Variants in ADAMTSL1 observed in about 807,000 individuals in gnomAD.
ADAMTSL1 encodes the protein ADAMTS like 1.
In ADAMTSL1, 126 loss-of-function variants were observed where a neutral mutation model predicts 201.8. The observed-to-expected ratio is 0.62, with a 90% confidence interval of 0.54 to 0.72. The LOEUF (loss-of-function observed/expected upper bound fraction) is 0.72. ADAMTSL1 is among the 30% of genes least tolerant of loss of function. The pLI is 0.00. For missense variants in ADAMTSL1, 2,679 were observed against 2,277.8 expected (o/e 1.18, Z -3.59); for synonymous variants, 1,121 against 903.4 (o/e 1.24, Z -4.32).
chr9:18,489,570 T>C (rs1029623809), intron 1 of ADAMTSL1, among the ~76,000 whole-genome samples: 2 of 152,188 alleles, frequency 1.3e-5, no homozygotes, highest in Non-Finnish European at 2.9e-5. Flanking sequence ...TCGTAAAAGA[T>C]AGAAGAAATT....
intron 22 of ADAMTSL1, among the ~76,000 whole-genome samples, chr9:18,828,677 TATATATATATATATATAAA>T (rs1824764773): frequency 1.9e-5 from 2 of 103,218 alleles, no homozygotes; most frequent in Non-Finnish European, 3.8e-5. Context: ...TATATATATA[TATATATATATATATATAAA>T]ATGTGTGTGT....
intron 2 of ADAMTSL1, among the ~76,000 whole-genome samples, chr9:18,254,029 G>A (rs773684992): frequency 1.3e-5 from 2 of 152,066 alleles, no homozygotes; most frequent in Non-Finnish European, 2.9e-5. Context: ...AGATATCATC[G>A]TGTTTGGGAG....
intron 2 of ADAMTSL1, among the ~76,000 whole-genome samples, chr9:18,326,897 G>A (rs370504082): frequency 1.3e-5 from 2 of 152,158 alleles, no homozygotes; most frequent in East Asian, 3.8e-4. Flanking sequence ...GCTTGCAACT[G>A]GATTTAAATG....
Position 18,661,986 on chromosome 9 carries a change from T to C in ADAMTSL1, c.998T>C (p.Val333Ala). 1 of 1,614,094 alleles carries C rather than the reference T, an allele frequency of 6.2e-7. No individual in the cohort carries two copies. The highest frequency in any genetic ancestry group is 8.5e-7 in the Non-Finnish European group (1 of 1,179,954). Residue 333 changes from valine (V) to alanine (A), a missense_variant, in exon 9 of 29, where the codon GTT becomes GCT. Coordinates refer to ENST00000380548, the MANE Select transcript of ADAMTSL1 (RefSeq NM_001040272.6). ...ECYDLRSNRV[V>A]ADQYCHYYPE... ...TACGATCTGAGGAGCAACCGTGTGG[T>C]TGCTGACCAATACTGTCACTATTAC... is the stretch of plus-strand genomic sequence containing the variant.
At chr9:18,553,145 C>A (rs1014909905) in intron 3 of ADAMTSL1, among the ~76,000 whole-genome samples, 5 of 150,136 alleles carry the variant, frequency 3.3e-5, no homozygotes, top group African/African-American at 9.8e-5. Context: ...ACTTTCTGAT[C>A]TCTAGTTGGC....
At chr9:18,742,993 A>G (rs999169457) in intron 15 of ADAMTSL1, among the ~76,000 whole-genome samples, 6 of 152,174 alleles carry the variant, frequency 3.9e-5, no homozygotes, top group East Asian at 1.9e-4. Flanking sequence ...ACCACCTAAC[A>G]TATCAAACTC....
intron 2 of ADAMTSL1, among the ~76,000 whole-genome samples, chr9:18,279,562 A>G (rs1832706394): frequency 6.6e-6 from 1 of 151,790 alleles, no homozygotes; most frequent in African/African-American, 2.4e-5. Flanking sequence ...TGTCAGGGAA[A>G]ACCCTTCACC....
chr9:18,588,918 T>TA (rs890794270), intron 4 of ADAMTSL1, among the ~76,000 whole-genome samples: 4 of 65,922 alleles, frequency 6.1e-5, no homozygotes, highest in African/African-American at 9.3e-5. Flanking sequence ...TATATACACA[T>TA]TTTTTTTTTG....
intron 1 of ADAMTSL1, among the ~76,000 whole-genome samples, chr9:18,005,353 C>T (rs888530338): frequency 6.6e-6 from 1 of 152,006 alleles, no homozygotes; most frequent in African/African-American, 2.4e-5. Flanking sequence ...TGAGACATGG[C>T]CTTTATTGAG....
At chr9:18,071,361 C>A (rs151263174) in intron 1 of ADAMTSL1, among the ~76,000 whole-genome samples, 50 of 152,288 alleles carry the variant, frequency 3.3e-4, no homozygotes, top group African/African-American at 1.2e-3. Context: ...CTGTCTGTTC[C>A]TTATTCTATC....
In ADAMTSL1 at chr9:18,835,798, G is replaced by A. The variant is rs993794054; in HGVS notation, c.4249+5821G>A. 2.0e-5 allele frequency among the ~76,000 whole-genome samples: 3 copies of A among 152,084 alleles called. No individual in the cohort carries two copies. In the East Asian group the frequency reaches 5.8e-4, roughly 29 times the overall value. ...CTGCATTATCCTGCTTAGGATAATG[G>A]CCTCCAGCTGCATCCATGTTGCTGC... On this transcript the variant is annotated intron_variant, in intron 23 of 28. Transcript: ENST00000380548.
intron 2 of ADAMTSL1, among the ~76,000 whole-genome samples, chr9:18,428,618 A>C (rs1362756003): frequency 6.6e-6 from 1 of 152,136 alleles, no homozygotes; most frequent in African/African-American, 2.4e-5. Context: ...AAAAAGAAAA[A>C]AACAAAAAAC....
At position 18,089,456 on chromosome 9, in the gene ADAMTSL1, G is replaced by T. The variant is rs141884020; in HGVS notation, c.88-74406G>T. On this transcript the variant is annotated intron_variant, in intron 1 of 29. Coordinates refer to the ADAMTSL1 transcript ENST00000680146. ...CAGGGAGGGGAACATCACACACTGGGGCCTGTCGGGGGGTGGGGAGCTAGG... is the reference window on the plus strand; with the variant it reads ...CAGGGAGGGGAACATCACACACTGGTGCCTGTCGGGGGGTGGGGAGCTAGG... Among the ~76,000 whole-genome samples, 1,005 of 151,448 alleles carry T rather than the reference G, an allele frequency of 6.6e-3. 17 individuals are homozygous for T. The highest frequency in any genetic ancestry group is 0.023 in the African/African-American group (963 of 41,172).
At chr9:18,520,718 C>T (rs930141688) in intron 2 of ADAMTSL1, among the ~76,000 whole-genome samples, 5 of 152,178 alleles carry the variant, frequency 3.3e-5, no homozygotes, top group African/African-American at 9.7e-5. Context: ...TGGCAGCATG[C>T]CACCTTGTTG....
intron 2 of ADAMTSL1, among the ~76,000 whole-genome samples, chr9:18,520,373 G>T (rs571686017): frequency 3.7e-4 from 57 of 152,308 alleles, no homozygotes; most frequent in African/African-American, 1.3e-3. Flanking sequence ...ACATAAATCA[G>T]TGTTTCCAAG....
chr9:18,021,319 T>A (rs1216596191), intron 1 of ADAMTSL1, among the ~76,000 whole-genome samples: 1 of 152,184 alleles, frequency 6.6e-6, no homozygotes, highest in African/African-American at 2.4e-5. Flanking sequence ...ATTTGAAATG[T>A]GGTTTGTAAC....
intron 1 of ADAMTSL1, among the ~76,000 whole-genome samples, chr9:18,157,593 A>G (rs1423285436): frequency 6.6e-6 from 1 of 152,028 alleles, no homozygotes; most frequent in Non-Finnish European, 1.5e-5. Flanking sequence ...CCAGCTGAAC[A>G]TTCTGGACCA....
At chr9:18,125,391 C>A (rs1331895849) in intron 1 of ADAMTSL1, among the ~76,000 whole-genome samples, 1 of 152,088 alleles carries the variant, frequency 6.6e-6, no homozygotes, top group East Asian at 1.9e-4. Flanking sequence ...GAGTTAAATT[C>A]AAGTTAAGAT....
At chr9:18,524,106 C>G (rs1818882805) in intron 2 of ADAMTSL1, among the ~76,000 whole-genome samples, 1 of 151,582 alleles carries the variant, frequency 6.6e-6, no homozygotes, top group East Asian at 1.9e-4. Flanking sequence ...TTTGTATCCT[C>G]TTTTATTTCC....
Sources: gnomAD v4.1 joint callset for allele counts (sites outside exome capture counted in the v4.1 genomes callset) on GRCh38, gnomAD v4.1.1 for gene constraint, MANE v1.5 for transcripts, NCBI Gene and HGNC (gene_info 2026-07-23, HGNC 2026-07-21) for gene names.